The following MAD1L1 variants were observed in gnomAD, a reference collection of about 807,000 sequenced individuals.
MAD1L1 encodes the protein mitotic spindle assembly checkpoint protein MAD1.
Under a neutral mutation model 96.9 loss-of-function variants are expected in MAD1L1, and 95 were observed. The observed-to-expected ratio is 0.98, with a 90% CI of 0.83 to 1.16. The LOEUF (loss-of-function observed/expected upper bound fraction) is 1.16. Ranked by LOEUF, MAD1L1 falls within the 50% of genes most tolerant of loss-of-function variation. The probability of loss-of-function intolerance (pLI) is 0.00; values close to 1 mark genes in which losing one functional copy is unlikely to be tolerated. For missense variants in MAD1L1, 1,007 were observed against 954.4 expected, an observed-to-expected ratio of 1.06 and a Z score of -0.73; for synonymous variants, 473 against 396.6, an observed-to-expected ratio of 1.19 and a Z score of -2.29.
intron 18 of MAD1L1, among the ~76,000 whole-genome samples, chr7:1,839,598 A>C (rs1783131612): frequency 6.6e-6 from 1 of 152,224 alleles, no homozygotes; most frequent in African/African-American, 2.4e-5. Context: ...TTTCCGGCTT[A>C]GTCAAAGGAG....
chr7:2,220,911 G>A (rs1226872589), intron 5 of MAD1L1: 2 of 1,611,876 alleles, frequency 1.2e-6, no homozygotes, highest in East Asian at 4.5e-5. Context: ...GCCAGATGCA[G>A]GGCCGAGCCC....
chr7:2,186,352 G>A (rs1028360171), intron 10 of MAD1L1, among the ~76,000 whole-genome samples: 3 of 152,194 alleles, frequency 2.0e-5, no homozygotes, highest in East Asian at 1.9e-4. Context: ...TGCATTCTAC[G>A]ATGGAATAAT....
rs192054875 is a variant in MAD1L1 at position 2,028,319 on chromosome 7, G to A, written c.1219-13677C>T. On this transcript the variant is annotated intron_variant, in intron 12 of 18. Transcript: ENST00000265854. Reference sequence around the variant, plus strand: ...GGGCGCCTGTAGTCCCAGCTACTCGGGAGGCTGAGGCAAGAGAATGGCGCG... The same window carrying A: ...GGGCGCCTGTAGTCCCAGCTACTCGAGAGGCTGAGGCAAGAGAATGGCGCG... 3.4e-3 allele frequency among the ~76,000 whole-genome samples: 512 copies of A among 151,718 alleles called. 4 individuals carry two copies. The highest frequency in any genetic ancestry group is 0.012 in the African/African-American group (480 of 41,328).
chr7:1,874,006 AAC>A (rs1785244690), intron 18 of MAD1L1, among the ~76,000 whole-genome samples: 1 of 151,492 alleles, frequency 6.6e-6, no homozygotes, highest in Admixed American at 6.6e-5. Context: ...GGAGGCGTGG[AAC>A]ACACACAGGC....
intron 18 of MAD1L1, among the ~76,000 whole-genome samples, chr7:1,854,983 C>T (rs911865951): frequency 3.9e-5 from 6 of 152,348 alleles, no homozygotes; most frequent in African/African-American, 7.2e-5. Flanking sequence ...GGAGGCCCCG[C>T]GCCCACCGCT....
At chr7:1,868,707 G>A (rs982221794) in intron 18 of MAD1L1, among the ~76,000 whole-genome samples, 1 of 152,238 alleles carries the variant, frequency 6.6e-6, no homozygotes, top group Non-Finnish European at 1.5e-5. Context: ...CTTAACCAGA[G>A]GCGAGAGTTC....
In MAD1L1 at chr7:2,222,773, T is replaced by G. The variant is rs1173862182; in HGVS notation, c.292-19A>C. The G allele has an allele frequency of 1.3e-6, 2 of 1,564,444 alleles. No homozygotes were observed. Among genetic ancestry groups the G allele is most frequent in the Non-Finnish European group, 1.7e-6 (2 of 1,158,664 alleles). ...CCTCACGCTGTTAAGAGAGCAAGAG[T>G]CAGATGCCACGTGCCGCCCACGGGA... On this transcript the variant is annotated intron_variant, in intron 4 of 18. Coordinates refer to ENST00000265854, the MANE Select transcript of MAD1L1 (RefSeq NM_001013836.2).
intron 12 of MAD1L1, among the ~76,000 whole-genome samples, chr7:2,044,147 A>G (rs6944660): frequency 0.71 from 108,116 of 152,124 alleles, 38,906 homozygotes; most frequent in African/African-American, 0.81. Flanking sequence ...AATAAAAATC[A>G]TAGCGAATGC....
At chr7:1,889,706 G>T (rs530289010) in intron 18 of MAD1L1, among the ~76,000 whole-genome samples, 109 of 152,366 alleles carry the variant, frequency 7.2e-4, no homozygotes, top group Non-Finnish European at 1.1e-3. Context: ...GACTCATGCA[G>T]GACCTGGGCC....
intron 17 of MAD1L1, among the ~76,000 whole-genome samples, chr7:1,911,496 G>A (rs1216908369): frequency 1.3e-5 from 2 of 152,200 alleles, no homozygotes; most frequent in Admixed American, 1.3e-4. Context: ...CAAGTCCACA[G>A]TCCTCCCAGA....
intron 11 of MAD1L1, among the ~76,000 whole-genome samples, chr7:2,100,517 C>T (rs1208464678): frequency 2.0e-5 from 3 of 152,260 alleles, no homozygotes; most frequent in Non-Finnish European, 4.4e-5. Flanking sequence ...GCGCGTCTGC[C>T]TCGTCCTGGC....
At chr7:2,095,576 G>A (rs959893777) in intron 11 of MAD1L1, among the ~76,000 whole-genome samples, 1 of 152,212 alleles carries the variant, frequency 6.6e-6, no homozygotes, top group African/African-American at 2.4e-5. Flanking sequence ...GAGATAGTGC[G>A]TGCTGTGGCT....
At chr7:2,067,603 C>T (rs1311219785) in intron 12 of MAD1L1, among the ~76,000 whole-genome samples, 1 of 152,134 alleles carries the variant, frequency 6.6e-6, no homozygotes, top group Non-Finnish European at 1.5e-5. Context: ...TCAGCCCAAA[C>T]CCCCGCAGTG....
chr7:2,218,053 G>T lies in MAD1L1; in HGVS notation c.597-10C>A, dbSNP rs369112380. 4.2e-5 allele frequency: 67 copies of T among 1,606,522 alleles called. No individual in the cohort carries two copies. In the Middle Eastern group the frequency reaches 8.3e-4, roughly 20 times the overall value. ...GGCTTCCTGGCATTTTCTATTGAAA[G>T]AAAAATACATCACACACAGAAACAG... is the stretch of plus-strand genomic sequence containing the variant. On this transcript the variant is annotated splice_polypyrimidine_tract_variant and intron_variant, in intron 6 of 18. Coordinates refer to ENST00000265854, the MANE Select transcript of MAD1L1 (RefSeq NM_001013836.2).
rs1789251469 is a variant in MAD1L1, at chr7:2,145,498, GTGCTT to G, written c.1073+3649_1073+3653del. On this transcript the variant is annotated intron_variant, in intron 11 of 18. Coordinates refer to ENST00000265854, the MANE Select transcript of MAD1L1 (RefSeq NM_001013836.2). ...CCAGCTCACAGCAGCGTTTGGAACT[GTGCTT>G]CACCAGTAAAAGGGGTCAAAACTAT... Among the ~76,000 whole-genome samples, 3 of 152,368 alleles carry G rather than the reference GTGCTT, an allele frequency of 2.0e-5. No individual in the cohort carries two copies. The South Asian group carries it at 6.2e-4, about 32-fold the overall frequency.
At chr7:1,898,165 G>GA (rs1417855887) in intron 18 of MAD1L1, 35 bp downstream of exon 18, 2 of 1,566,122 alleles carry the variant, frequency 1.3e-6, no homozygotes, top group Non-Finnish European at 1.7e-6. Flanking sequence ...GACAGAGAGC[G>GA]AGACAGCCGG....
intron 12 of MAD1L1, among the ~76,000 whole-genome samples, chr7:2,055,446 T>C (rs1225421491): frequency 2.0e-5 from 3 of 151,958 alleles, no homozygotes; most frequent in East Asian, 3.9e-4. Context: ...CGGTGAGACA[T>C]GGGGACCGCA....
At chr7:1,907,230 C>T (rs1269437801) in intron 17 of MAD1L1, among the ~76,000 whole-genome samples, 1 of 152,222 alleles carries the variant, frequency 6.6e-6, no homozygotes, top group Non-Finnish European at 1.5e-5. Flanking sequence ...CCAGCTCCTG[C>T]CCGACCTGGA....
At chr7:2,093,779 C>T (rs548405593) in intron 11 of MAD1L1, among the ~76,000 whole-genome samples, 11 of 152,180 alleles carry the variant, frequency 7.2e-5, no homozygotes, top group Non-Finnish European at 1.2e-4. Flanking sequence ...TCCACAGCTG[C>T]GCTCCATCAG....
Sources: gnomAD v4.1 joint callset for allele counts (sites outside exome capture counted in the v4.1 genomes callset) on GRCh38, gnomAD v4.1.1 for gene constraint, MANE v1.5 for transcripts, NCBI Gene and HGNC (gene_info 2026-07-23, HGNC 2026-07-21) for gene names.